Variants in ANXA6 observed in about 807,000 individuals in gnomAD.
The protein encoded by ANXA6 is annexin A6.
Under a neutral mutation model 95.4 loss-of-function variants are expected in ANXA6, and 71 were observed. That is an observed-to-expected ratio of 0.74 (90% CI 0.61 to 0.91). The LOEUF is 0.91. ANXA6 is among the 40% of genes least tolerant of loss of function. The pLI, the probability that ANXA6 is intolerant of heterozygous loss-of-function variation, is 0.00. For synonymous variants in ANXA6, 289 were observed against 315.9 expected (o/e 0.91, Z 0.90); for missense variants, 830 against 876.4 (o/e 0.95, Z 0.67).
chr5:151,108,370 C>T (rs1168838027), intron 23 of ANXA6, 85 bp downstream of exon 23: 58 of 1,260,468 alleles, frequency 4.6e-5, no homozygotes, highest in South Asian at 1.5e-4. Context: ...GTAGTAGCTT[C>T]GGAGGCTGCC....
At chr5:151,115,351 G>A (rs73799445) in intron 20 of ANXA6, among the ~76,000 whole-genome samples, 1 of 152,138 alleles carries the variant, frequency 6.6e-6, no homozygotes, top group East Asian at 1.9e-4. Context: ...ATGAGCTTGG[G>A]TCTAGCATCC....
chr5:151,109,820 G>T lies in ANXA6; in HGVS notation c.1617C>A (p.Asp539Glu), dbSNP rs1376146703. Reference protein sequence around the residue: ...ILEIADTPSGDKTSLETRFMT... With the variant: ...ILEIADTPSGEKTSLETRFMT... ...TGAAACGTGTCTCCAAGGAAGTTTTGTCTCCACTAGGTGTGTCTGCTATTT... is the reference window on the plus strand; with the variant it reads ...TGAAACGTGTCTCCAAGGAAGTTTTTTCTCCACTAGGTGTGTCTGCTATTT... Residue 539 changes from aspartate (D) to glutamate (E), a missense_variant, in exon 22 of 26, where the codon GAC becomes GAA. Physicochemically the swap from Asp to Glu is conservative, Grantham distance 45 (BLOSUM62 2). Coordinates refer to ENST00000354546, the MANE Select transcript of ANXA6 (RefSeq NM_001155.5). The T allele has an allele frequency of 6.2e-7, 1 of 1,610,264 alleles. No individual in the cohort carries two copies. The highest frequency in any genetic ancestry group is 8.5e-7 in the Non-Finnish European group (1 of 1,178,170).
At chr5:151,132,594 G>T in intron 9 of ANXA6, 23 bp from the exon 10 acceptor site, 1 of 1,597,876 alleles carries the variant, frequency 6.3e-7, no homozygotes, top group Admixed American at 1.7e-5. Flanking sequence ...GAGAGACAGG[G>T]AGGTTTGAGA....
chr5:151,145,022 C>A lies in ANXA6; in HGVS notation c.18+2862G>T, dbSNP rs948723102. ...GTGCAACCACACAGGCTTCTCCTCA[C>A]CCACCCCACCCTGACTGCCTGTCAC... On this transcript the variant is annotated intron_variant, in intron 2 of 25. Transcript: ENST00000354546. 2.0e-5 allele frequency among the ~76,000 whole-genome samples: 3 copies of A among 152,316 alleles called. No individual in the cohort carries two copies. The South Asian group carries it at 6.2e-4, about 32-fold the overall frequency.
chr5:151,139,013 G>A, intron 4 of ANXA6: 2 of 600,704 alleles, frequency 3.3e-6, no homozygotes, highest in South Asian at 4.0e-5. Context: ...GGCTATGCAG[G>A]GTCAGGTCCA....
At chr5:151,132,132 T>A (rs2113932214) in intron 10 of ANXA6, among the ~76,000 whole-genome samples, 2 of 152,328 alleles carry the variant, frequency 1.3e-5, no homozygotes, top group East Asian at 3.9e-4. Flanking sequence ...TGGGTCTTTT[T>A]TAAAGATTAC....
At chr5:151,107,461 T>G (rs1451031434) in intron 23 of ANXA6, among the ~76,000 whole-genome samples, 1 of 152,218 alleles carries the variant, frequency 6.6e-6, no homozygotes, top group Non-Finnish European at 1.5e-5. Flanking sequence ...ATATTGCTCC[T>G]GGGTGGTAAA....
intron 25 of ANXA6, 109 bp from the exon 26 acceptor site, chr5:151,101,616 C>T: frequency 1.1e-6 from 1 of 931,390 alleles, no homozygotes. Context: ...CTCTCCATGA[C>T]CAACATAGGA....
intron 22 of ANXA6, 67 bp downstream of exon 22, chr5:151,109,686 C>G: frequency 7.7e-7 from 1 of 1,301,984 alleles, no homozygotes; most frequent in Non-Finnish European, 1.1e-6. Context: ...CCACAGAGAG[C>G]TGAGAGGCTC....
At chr5:151,140,459 G>C (rs1444754660) in intron 2 of ANXA6, 3 of 549,914 alleles carry the variant, frequency 5.5e-6, no homozygotes, top group African/African-American at 3.8e-5. Context: ...CCCCAAGGGA[G>C]GGGGGCTTGG....
intron 22 of ANXA6, among the ~76,000 whole-genome samples, chr5:151,109,307 C>T (rs1037905779): frequency 6.6e-6 from 1 of 152,320 alleles, no homozygotes; most frequent in Non-Finnish European, 1.5e-5. Context: ...AGTGCCAGGG[C>T]CACTGCATAC....
chr5:151,126,011 C>T (rs755517494), intron 14 of ANXA6, among the ~76,000 whole-genome samples: 1 of 152,146 alleles, frequency 6.6e-6, no homozygotes, highest in African/African-American at 2.4e-5. Context: ...CCTTTGTGGA[C>T]CCCCAGTCTG....
chr5:151,154,875 G>A (rs1166925800), intron 1 of ANXA6: 2 of 152,106 alleles, frequency 1.3e-5, no homozygotes, highest in African/African-American at 4.8e-5. Context: ...TATAGATGCT[G>A]GAGCCAGACT....
At chr5:151,135,899 T>C (rs1219533320) in intron 7 of ANXA6, among the ~76,000 whole-genome samples, 2 of 152,182 alleles carry the variant, frequency 1.3e-5, no homozygotes, top group Non-Finnish European at 2.9e-5. Flanking sequence ...CTCTTTGTGA[T>C]ATACTTTGGG....
chr5:151,129,361 C>G (rs1232623489), intron 12 of ANXA6, 46 bp downstream of exon 12: 1 of 1,607,722 alleles, frequency 6.2e-7, no homozygotes, highest in Non-Finnish European at 8.5e-7. Context: ...TCTGTCTTGG[C>G]AAAAAGCTCT....
At position 151,138,828 on chromosome 5, in the gene ANXA6, A is replaced by G. The variant is rs766487855; in HGVS notation, c.205-37T>C. On this transcript the variant is annotated intron_variant, in intron 4 of 25. Coordinates refer to ENST00000354546, the MANE Select transcript of ANXA6 (RefSeq NM_001155.5). ...GGAAGAAGAGGAGATAGAAGAGGAA[A>G]GAGGAAGAGTAGTTACAACGGTAAG... The G allele has an allele frequency of 2.8e-6, 4 of 1,424,704 alleles. No homozygotes were observed. The South Asian group carries it at 4.7e-5, about 17-fold the overall frequency. The allele number at this position is 1,424,704 out of a possible 1,614,324, so 88.3% of individuals were successfully genotyped here. A position where few individuals can be genotyped will look rare whatever the true frequency, so the allele number is the denominator to read the frequency against.
chr5:151,142,344 G>T (rs1765860536), intron 2 of ANXA6, among the ~76,000 whole-genome samples: 1 of 152,156 alleles, frequency 6.6e-6, no homozygotes, highest in Admixed American at 6.5e-5. Flanking sequence ...CAGGCATGGT[G>T]GCAGGCACCT....
chr5:151,110,437 CA>C (rs1480578822), intron 21 of ANXA6, among the ~76,000 whole-genome samples, 189 bp downstream of exon 21: 1 of 152,112 alleles, frequency 6.6e-6, no homozygotes, highest in Non-Finnish European at 1.5e-5. Flanking sequence ...CAAATCGTGC[CA>C]GAGATGATTA....
chr5:151,103,458 G>T, intron 25 of ANXA6, 112 bp downstream of exon 25: 2 of 1,042,752 alleles, frequency 1.9e-6, no homozygotes, highest in Non-Finnish European at 1.4e-6. Flanking sequence ...TATCCTGGCT[G>T]TTCTAAGCGG....
Sources: gnomAD v4.1 joint callset for allele counts (sites outside exome capture counted in the v4.1 genomes callset) on GRCh38, gnomAD v4.1.1 for gene constraint, MANE v1.5 for transcripts, NCBI Gene and HGNC (gene_info 2026-07-23, HGNC 2026-07-21) for gene names.